Variants in CRACD observed in about 807,000 individuals in gnomAD.
The protein encoded by CRACD is capping protein inhibiting regulator of actin dynamics.
In CRACD, 56 loss-of-function variants were observed where a neutral mutation model predicts 106.8. That is an observed-to-expected ratio of 0.52 (90% CI 0.42 to 0.66). The LOEUF (loss-of-function observed/expected upper bound fraction) is 0.66. Among genes scored for constraint, CRACD ranks in the 30% least tolerant of loss-of-function variants. The probability of loss-of-function intolerance (pLI) is 0.00; values close to 1 mark genes in which losing one functional copy is unlikely to be tolerated. For missense variants in CRACD, 1,730 were observed against 1,623.2 expected (o/e 1.07, Z -1.13); for synonymous variants, 754 against 670.8 (o/e 1.12, Z -1.92).
At chr4:56,284,102 A>G (rs143448656) in intron 3 of CRACD, among the ~76,000 whole-genome samples, 110 of 152,098 alleles carry the variant, frequency 7.2e-4, no homozygotes, top group African/African-American at 2.5e-3. Context: ...TGATCTCTCT[A>G]CAGAAAACCC....
chr4:56,184,653 C>T (rs561253338), intron 2 of CRACD, among the ~76,000 whole-genome samples: 1 of 152,270 alleles, frequency 6.6e-6, no homozygotes, highest in African/African-American at 2.4e-5. Flanking sequence ...ACTACATGGG[C>T]CAGGCAAATC....
At chr4:56,301,050 A>T (rs1162502934) in intron 4 of CRACD, among the ~76,000 whole-genome samples, 1 of 152,236 alleles carries the variant, frequency 6.6e-6, no homozygotes, top group South Asian at 2.1e-4. Flanking sequence ...CTTCCGCTGC[A>T]TGGATTCACA....
chr4:56,070,423 C>G (rs1732602604), intron 1 of CRACD, among the ~76,000 whole-genome samples: 1 of 152,120 alleles, frequency 6.6e-6, no homozygotes, highest in Non-Finnish European at 1.5e-5. Context: ...CCTCAGCCTC[C>G]CGAGTAGCTG....
chr4:56,247,939 A>G (rs1235595446), intron 2 of CRACD, among the ~76,000 whole-genome samples: 1 of 152,150 alleles, frequency 6.6e-6, no homozygotes, highest in African/African-American at 2.4e-5. Context: ...AGTACTCCAC[A>G]GTATTTTATC....
At chr4:56,269,380 C>G (rs1479716887) in intron 2 of CRACD, among the ~76,000 whole-genome samples, 3 of 150,638 alleles carry the variant, frequency 2.0e-5, no homozygotes, top group African/African-American at 4.9e-5. Context: ...GAGACCCTCT[C>G]GCAAAGTAAA....
intron 2 of CRACD, among the ~76,000 whole-genome samples, chr4:56,259,186 A>G (rs1480305551): frequency 6.6e-6 from 1 of 152,136 alleles, no homozygotes; most frequent in Non-Finnish European, 1.5e-5. Context: ...CATGCAGGGG[A>G]GGGAGCAAGC....
At chr4:56,206,910 A>T (rs912690788) in intron 2 of CRACD, among the ~76,000 whole-genome samples, 37 of 152,184 alleles carry the variant, frequency 2.4e-4, no homozygotes, top group African/African-American at 8.0e-4. Context: ...AGTTGAAGAG[A>T]CACCATTTAA....
chr4:56,070,235 C>G (rs903028521), intron 1 of CRACD, among the ~76,000 whole-genome samples: 3 of 152,036 alleles, frequency 2.0e-5, no homozygotes, highest in Non-Finnish European at 4.4e-5. Flanking sequence ...CGGTTCCACG[C>G]CTTCTCCACG....
At chr4:56,119,088 C>G (rs1013932175) in intron 1 of CRACD, among the ~76,000 whole-genome samples, 1 of 152,156 alleles carries the variant, frequency 6.6e-6, no homozygotes, top group Non-Finnish European at 1.5e-5. Context: ...GCTAGCATTT[C>G]CTGAGTGCTT....
At chr4:56,078,182 T>C (rs927111040) in intron 1 of CRACD, among the ~76,000 whole-genome samples, 1 of 152,226 alleles carries the variant, frequency 6.6e-6, no homozygotes, top group African/African-American at 2.4e-5. Context: ...TTTTTTTCTT[T>C]TTAAGAATTT....
intron 2 of CRACD, among the ~76,000 whole-genome samples, chr4:56,214,956 C>T (rs572976674): frequency 6.6e-6 from 1 of 152,002 alleles, no homozygotes; most frequent in East Asian, 1.9e-4. Flanking sequence ...GCCGAGATCG[C>T]ACCATTGCAC....
chr4:56,192,203 C>G (rs1184637326), intron 2 of CRACD, among the ~76,000 whole-genome samples: 4 of 152,004 alleles, frequency 2.6e-5, no homozygotes, highest in African/African-American at 9.7e-5. Context: ...ACCAGCCTGG[C>G]CAACATGGCA....
At chr4:56,115,392 T>C (rs1036365953) in intron 1 of CRACD, among the ~76,000 whole-genome samples, 1 of 152,188 alleles carries the variant, frequency 6.6e-6, no homozygotes, top group Non-Finnish European at 1.5e-5. Context: ...TTTCCTCCTT[T>C]GTAGATGGAA....
intron 2 of CRACD, among the ~76,000 whole-genome samples, chr4:56,240,382 A>G (rs1182942307): frequency 6.6e-6 from 1 of 152,138 alleles, no homozygotes; most frequent in African/African-American, 2.4e-5. Context: ...AAACTCATCA[A>G]CGCTGTTTTC....
At chr4:56,074,418 A>T (rs768046637) in intron 1 of CRACD, among the ~76,000 whole-genome samples, 1 of 152,052 alleles carries the variant, frequency 6.6e-6, no homozygotes, top group Non-Finnish European at 1.5e-5. Context: ...TGTAAGTTGT[A>T]TTCCTAGGTA....
rs1241811802 is a variant in CRACD at position 56,313,283 on chromosome 4, G to A, written c.441G>A (p.Leu147=). Reference sequence around the variant, plus strand: ...GTGTCAACTTAGATGCCATCCCCCTGGCCATCGCTCGCCTGGACAACAGTG... The same window carrying A: ...GTGTCAACTTAGATGCCATCCCCCTAGCCATCGCTCGCCTGGACAACAGTG... ...IESVNLDAIP[L]AIARLDNSAA... The change falls in exon 7 of 11, where the codon CTG becomes CTA. Residue 147 remains leucine (L), a synonymous_variant. Coordinates refer to ENST00000682029, the MANE Select transcript of CRACD (RefSeq NM_001393381.1). 3 of 1,614,190 alleles carry A rather than the reference G, an allele frequency of 1.9e-6. No individual in the cohort carries two copies. The highest frequency in any genetic ancestry group is 2.5e-6 in the Non-Finnish European group (3 of 1,180,030).
chr4:56,254,393 TG>T (rs111592012), intron 2 of CRACD, among the ~76,000 whole-genome samples: 1,539 of 38,258 alleles, frequency 0.04, 23 homozygotes, highest in Middle Eastern at 0.1. Flanking sequence ...CAGAGTTTTG[TG>T]GGGGTTTTTT....
chr4:56,231,539 G>A (rs1361917390), intron 2 of CRACD, among the ~76,000 whole-genome samples: 1 of 152,160 alleles, frequency 6.6e-6, no homozygotes, highest in Non-Finnish European at 1.5e-5. Flanking sequence ...GCTGTAGAGT[G>A]TTATAGGACC....
chr4:56,239,059 G>A (rs917529742), intron 2 of CRACD, among the ~76,000 whole-genome samples: 19 of 152,252 alleles, frequency 1.2e-4, no homozygotes, highest in Non-Finnish European at 2.4e-4. Flanking sequence ...TTGGGAGGCC[G>A]AGGCGGGCAG....
Sources: gnomAD v4.1 joint callset for allele counts (sites outside exome capture counted in the v4.1 genomes callset) on GRCh38, gnomAD v4.1.1 for gene constraint, MANE v1.5 for transcripts, NCBI Gene and HGNC (gene_info 2026-07-23, HGNC 2026-07-21) for gene names.